Variants in MAGI2 observed in about 807,000 individuals in gnomAD.
MAGI2 encodes membrane-associated guanylate kinase, WW and PDZ domain-containing protein 2.
In MAGI2, 35 loss-of-function variants were observed where a neutral mutation model predicts 133.3. The observed-to-expected ratio is 0.26, with a 90% CI of 0.20 to 0.35. The LOEUF (loss-of-function observed/expected upper bound fraction) is 0.35. MAGI2 is among the 10% of genes least tolerant of loss of function. The pLI, the probability that MAGI2 is intolerant of heterozygous loss-of-function variation, is 1.00. For synonymous variants in MAGI2, 729 were observed against 710.6 expected, an observed-to-expected ratio of 1.03 and a Z score of -0.41; for missense variants, 1,636 against 1,863.4, an observed-to-expected ratio of 0.88 and a Z score of 2.25.
intron 3 of MAGI2, among the ~76,000 whole-genome samples, chr7:78,524,178 G>A (rs117664796): frequency 6.6e-6 from 1 of 152,100 alleles, no homozygotes; most frequent in Non-Finnish European, 1.5e-5. Context: ...GAGAGGGAGG[G>A]GGAGCCCTAC....
chr7:78,149,038 A>G (rs1823596765), intron 16 of MAGI2, among the ~76,000 whole-genome samples: 1 of 152,138 alleles, frequency 6.6e-6, no homozygotes, highest in African/African-American at 2.4e-5. Flanking sequence ...AAAGACCACC[A>G]TAATACTCCA....
chr7:78,515,940 T>C (rs1301860897), intron 4 of MAGI2, among the ~76,000 whole-genome samples: 3 of 152,098 alleles, frequency 2.0e-5, no homozygotes, highest in South Asian at 2.1e-4. Flanking sequence ...TTACAATATA[T>C]ATATGGGGAT....
chr7:78,575,604 G>A (rs1802189359), intron 3 of MAGI2, among the ~76,000 whole-genome samples: 2 of 152,154 alleles, frequency 1.3e-5, no homozygotes, highest in South Asian at 4.1e-4. Flanking sequence ...AATATCGATA[G>A]TGATAAGTCA....
At chr7:78,927,359 G>T (rs992055416) in intron 2 of MAGI2, among the ~76,000 whole-genome samples, 2 of 151,942 alleles carry the variant, frequency 1.3e-5, no homozygotes, top group South Asian at 4.1e-4. Context: ...ATAAATCAAT[G>T]TTGACTCTAG....
At chr7:79,038,411 TTGA>T (rs1811317570) in intron 1 of MAGI2, among the ~76,000 whole-genome samples, 1 of 152,198 alleles carries the variant, frequency 6.6e-6, no homozygotes, top group African/African-American at 2.4e-5. Flanking sequence ...ATTAATTTTC[TTGA>T]TGATAATTTT....
At chr7:79,438,227 C>T (rs922305271) in intron 1 of MAGI2, among the ~76,000 whole-genome samples, 1 of 152,126 alleles carries the variant, frequency 6.6e-6, no homozygotes, top group African/African-American at 2.4e-5. Context: ...ACCTCAAACA[C>T]ATTATACGAG....
chr7:79,063,225 A>G (rs1299155474), intron 1 of MAGI2, among the ~76,000 whole-genome samples: 1 of 152,080 alleles, frequency 6.6e-6, no homozygotes, highest in Non-Finnish European at 1.5e-5. Flanking sequence ...TTTCCAACAA[A>G]TGTGTGACTG....
chr7:79,009,742 A>C (rs1807853835), intron 1 of MAGI2, among the ~76,000 whole-genome samples: 1 of 152,124 alleles, frequency 6.6e-6, no homozygotes. Context: ...ATTGACACTT[A>C]GCCCAGAAGG....
chr7:78,860,661 A>G (rs1794082293), intron 2 of MAGI2, among the ~76,000 whole-genome samples: 1 of 152,156 alleles, frequency 6.6e-6, no homozygotes, highest in Non-Finnish European at 1.5e-5. Context: ...CCCTACTGGG[A>G]GGTGTCTCCC....
intron 2 of MAGI2, among the ~76,000 whole-genome samples, chr7:78,770,170 G>A (rs985956042): frequency 6.6e-6 from 1 of 152,202 alleles, no homozygotes; most frequent in Non-Finnish European, 1.5e-5. Context: ...TGCACAGCAA[G>A]AAACAAGAGA....
chr7:78,243,324 G>C (rs1459311464), intron 10 of MAGI2, among the ~76,000 whole-genome samples: 1 of 151,456 alleles, frequency 6.6e-6, no homozygotes, highest in African/African-American at 2.4e-5. Context: ...ATAGCAATGT[G>C]GGTAAACCGT....
intron 1 of MAGI2, among the ~76,000 whole-genome samples, chr7:79,204,251 C>T (rs2129552152): frequency 6.6e-6 from 1 of 152,178 alleles, no homozygotes; most frequent in Non-Finnish European, 1.5e-5. Flanking sequence ...TCACACTGTT[C>T]CAGGCTTCAG....
rs1794328689 is a variant in MAGI2, at chr7:78,863,634, C to A, written c.418+143456G>T. 1.3e-5 allele frequency among the ~76,000 whole-genome samples: 2 copies of A among 152,182 alleles called. 1 individual carries two copies. Among genetic ancestry groups the A allele is most frequent in the South Asian group, 4.1e-4 (2 of 4,828 alleles). On this transcript the variant is annotated intron_variant, in intron 2 of 21. Transcript: ENST00000354212. ...ACATGACAACTAGGGGTACAAACAT[C>A]CAAACTATAGCACCACTCTTTGAGA...
intron 2 of MAGI2, among the ~76,000 whole-genome samples, chr7:78,939,285 C>T (rs1264349499): frequency 6.6e-5 from 10 of 152,254 alleles, no homozygotes; most frequent in East Asian, 1.9e-4. Context: ...TGAGCCACTG[C>T]GCCTGGCCAT....
intron 1 of MAGI2, among the ~76,000 whole-genome samples, chr7:79,108,983 C>T (rs1297095432): frequency 6.6e-6 from 1 of 152,186 alleles, no homozygotes. Context: ...TCCCTGAGGC[C>T]TCCCTAGAAG....
At chr7:78,264,402 A>C (rs1356458100) in intron 9 of MAGI2, among the ~76,000 whole-genome samples, 1 of 152,194 alleles carries the variant, frequency 6.6e-6, no homozygotes, top group Non-Finnish European at 1.5e-5. Context: ...TATCGGTCAG[A>C]ATGCTGGGTA....
At chr7:79,074,494 T>C (rs1815283485) in intron 1 of MAGI2, among the ~76,000 whole-genome samples, 1 of 152,184 alleles carries the variant, frequency 6.6e-6, no homozygotes, top group South Asian at 2.1e-4. Context: ...TGTTTTCTCT[T>C]CTCTGCTTTC....
chr7:79,105,928 A>C (rs2129543562), intron 1 of MAGI2, among the ~76,000 whole-genome samples: 1 of 152,288 alleles, frequency 6.6e-6, no homozygotes, highest in East Asian at 1.9e-4. Context: ...TCTCAAAATA[A>C]GTTTTGTATA....
intron 2 of MAGI2, among the ~76,000 whole-genome samples, chr7:78,977,040 CA>C (rs887812706): frequency 6.6e-6 from 1 of 151,546 alleles, no homozygotes; most frequent in Non-Finnish European, 1.5e-5. Flanking sequence ...AAATCCAAAG[CA>C]ATTCTAATTC....
Sources: gnomAD v4.1 joint callset for allele counts (sites outside exome capture counted in the v4.1 genomes callset) on GRCh38, gnomAD v4.1.1 for gene constraint, MANE v1.5 for transcripts, NCBI Gene and HGNC (gene_info 2026-07-23, HGNC 2026-07-21) for gene names.